The following BAALC variants were observed in gnomAD, a reference collection of about 807,000 sequenced individuals.
BAALC encodes BAALC binder of MAP3K1 and KLF4.
A neutral mutation model predicts 15.5 loss-of-function variants in BAALC; 9 were observed. The observed-to-expected ratio is 0.58, with a 90% CI of 0.35 to 1.02. The LOEUF is 1.02. Ranked by LOEUF, BAALC falls within the 50% of genes least tolerant of loss-of-function variation. BAALC has a pLI of 0.02. For missense variants in BAALC, 201 were observed against 192.4 expected (o/e 1.04, Z -0.27); for synonymous variants, 80 against 74.6 (o/e 1.07, Z -0.37).
At chr8:103,195,075 C>G (rs1812061606) in intron 1 of BAALC, among the ~76,000 whole-genome samples, 1 of 152,180 alleles carries the variant, frequency 6.6e-6, no homozygotes, top group Non-Finnish European at 1.5e-5. Context: ...CCTTCCTGTT[C>G]TGCACAAAGT....
intron 1 of BAALC, among the ~76,000 whole-genome samples, chr8:103,183,204 G>C (rs929496606): frequency 2.0e-5 from 3 of 152,220 alleles, no homozygotes; most frequent in African/African-American, 7.2e-5. Flanking sequence ...GGTCTGCCAA[G>C]GAGAGTGAAA....
intron 1 of BAALC, among the ~76,000 whole-genome samples, chr8:103,182,769 C>T (rs1170325476): frequency 6.6e-6 from 1 of 152,158 alleles, no homozygotes; most frequent in African/African-American, 2.4e-5. Flanking sequence ...GCTTTTCCAG[C>T]TGCAAGTGAC....
chr8:103,168,860 C>T (rs1359769166), intron 1 of BAALC, among the ~76,000 whole-genome samples: 1 of 152,036 alleles, frequency 6.6e-6, no homozygotes, highest in Non-Finnish European at 1.5e-5. Flanking sequence ...TAAGAGGTGA[C>T]ATTTTTTTGA....
intron 1 of BAALC, among the ~76,000 whole-genome samples, chr8:103,150,804 T>A (rs937322223): frequency 3.3e-5 from 5 of 152,104 alleles, no homozygotes; most frequent in Non-Finnish European, 7.4e-5. Flanking sequence ...CTCTAAGCCA[T>A]TATCCTGAAT....
intron 2 of BAALC, 63 bp downstream of exon 2, chr8:103,213,148 C>T: frequency 6.5e-7 from 1 of 1,534,180 alleles, no homozygotes; most frequent in South Asian, 1.2e-5. Context: ...TGCTTCAGGG[C>T]AGAGCCACCC....
At chr8:103,162,645 G>A (rs1193998814) in intron 1 of BAALC, among the ~76,000 whole-genome samples, 1 of 152,090 alleles carries the variant, frequency 6.6e-6, no homozygotes, top group East Asian at 1.9e-4. Context: ...TATTTCTCCT[G>A]TATTCTATTG....
intron 2 of BAALC, among the ~76,000 whole-genome samples, chr8:103,224,822 T>C (rs940206851): frequency 6.6e-6 from 1 of 152,216 alleles, no homozygotes; most frequent in Admixed American, 6.5e-5. Context: ...TTCCTTGTTA[T>C]GCCAGAGTCA....
At chr8:103,143,509 C>T (rs941986873) in intron 1 of BAALC, among the ~76,000 whole-genome samples, 1 of 152,178 alleles carries the variant, frequency 6.6e-6, no homozygotes, top group African/African-American at 2.4e-5. Context: ...AATGGCTTCA[C>T]TACTAGAATT....
intron 1 of BAALC, among the ~76,000 whole-genome samples, chr8:103,171,404 A>G (rs143564911): frequency 0.16 from 13,708 of 83,992 alleles, 771 homozygotes; most frequent in Middle Eastern, 0.25. Context: ...AAGGAAGGAA[A>G]GAAAGAAAAG....
intron 1 of BAALC, among the ~76,000 whole-genome samples, chr8:103,149,178 C>T (rs1810932502): frequency 6.7e-6 from 1 of 148,830 alleles, no homozygotes; most frequent in South Asian, 2.1e-4. Flanking sequence ...CCTCCCCCCA[C>T]CCCATCTGCC....
intron 1 of BAALC, among the ~76,000 whole-genome samples, chr8:103,203,732 TCA>T (rs1381022824): frequency 6.6e-6 from 1 of 152,242 alleles, no homozygotes; most frequent in Non-Finnish European, 1.5e-5. Flanking sequence ...GTTTCAAGGT[TCA>T]TCAATGTCGT....
chr8:103,167,662 A>G (rs904352308), intron 1 of BAALC, among the ~76,000 whole-genome samples: 8 of 152,162 alleles, frequency 5.3e-5, no homozygotes, highest in Non-Finnish European at 8.8e-5. Flanking sequence ...AGGCAGGAAG[A>G]GTTTGGCATT....
At chr8:103,178,250 G>A (rs1460733127) in intron 1 of BAALC, among the ~76,000 whole-genome samples, 1 of 152,230 alleles carries the variant, frequency 6.6e-6, no homozygotes, top group Non-Finnish European at 1.5e-5. Context: ...GAGAATATGA[G>A]AATGTGATTA....
Position 103,228,162 on chromosome 8 carries a change from T to TC in BAALC, c.*64dup. On this transcript the variant is annotated 3_prime_UTR_variant, in exon 3 of 3. Transcript: ENST00000309982. ...GTGTCCTTCACGGCACTGGATCCCA[T>TC]CAAAGAACCTTGAAGAAGTGGCTGC... 1 of 1,167,722 alleles carries TC rather than the reference T, an allele frequency of 8.6e-7. No individual in the cohort carries two copies. Among genetic ancestry groups the TC allele is most frequent in the South Asian group, 1.3e-5 (1 of 76,152 alleles). The allele number at this position is 1,167,722 out of a possible 1,614,324, so 72.3% of individuals were successfully genotyped here. A position where few individuals can be genotyped will look rare whatever the true frequency, so the allele number is the denominator to read the frequency against.
At chr8:103,216,865 T>C (rs1307465728) in intron 2 of BAALC, among the ~76,000 whole-genome samples, 1 of 152,246 alleles carries the variant, frequency 6.6e-6, no homozygotes, top group Non-Finnish European at 1.5e-5. Context: ...ACACTAACTC[T>C]ATAATGTTGA....
intron 1 of BAALC, among the ~76,000 whole-genome samples, chr8:103,175,105 G>C (rs981689699): frequency 2.6e-5 from 4 of 152,090 alleles, no homozygotes; most frequent in African/African-American, 9.7e-5. Context: ...TGCCCTCCCT[G>C]CCCTAAACAG....
At chr8:103,198,242 A>G (rs765726566) in intron 1 of BAALC, 12 of 613,910 alleles carry the variant, frequency 2.0e-5, no homozygotes, top group Admixed American at 1.5e-4. Context: ...CTTATGTATC[A>G]TTATATTTGA....
chr8:103,148,194 G>A (rs1389185916), intron 1 of BAALC, among the ~76,000 whole-genome samples: 1 of 152,148 alleles, frequency 6.6e-6, no homozygotes, highest in East Asian at 1.9e-4. Flanking sequence ...ATGAAAAGGG[G>A]AAATTTGGAG....
rs138537300 is a variant in BAALC, at chr8:103,155,642, G to A, written c.160+14585G>A. 1.1e-3 allele frequency among the ~76,000 whole-genome samples: 173 copies of A among 152,326 alleles called. 2 individuals are homozygous for A. Among genetic ancestry groups the A allele is most frequent in the African/African-American group, 4.1e-3 (172 of 41,588 alleles). On this transcript the variant is annotated intron_variant, in intron 1 of 2. Transcript: ENST00000309982. Reference sequence around the variant, plus strand: ...TCTCCTAGCAGCTGGAGAATCTGGTGCTGCCGTCCCATAGGAAGACCTGGC... The same window carrying A: ...TCTCCTAGCAGCTGGAGAATCTGGTACTGCCGTCCCATAGGAAGACCTGGC...
Sources: allele counts gnomAD v4.1 joint callset (sites outside exome capture counted in the v4.1 genomes callset), GRCh38; gene constraint gnomAD v4.1.1; transcripts MANE v1.5; gene names NCBI Gene and HGNC (gene_info 2026-07-23, HGNC 2026-07-21).